LIPC: variants seen among roughly 807,000 people sequenced by gnomAD.
The protein encoded by LIPC is lipase C, hepatic type.
Under a neutral mutation model 50.7 loss-of-function variants are expected in LIPC, and 44 were observed. That is an observed-to-expected ratio of 0.87 (90% confidence interval 0.68 to 1.11). The LOEUF (loss-of-function observed/expected upper bound fraction) is 1.11. LIPC is among the 50% of genes most tolerant of loss of function. The pLI is 0.00. For synonymous variants in LIPC, 271 were observed against 256.4 expected (o/e 1.06, Z -0.54); for missense variants, 697 against 648.2 (o/e 1.08, Z -0.82).
intron 1 of LIPC, chr15:58,454,959 C>T (rs1894054362): frequency 1.3e-5 from 2 of 152,202 alleles, no homozygotes; most frequent in East Asian, 3.8e-4. Flanking sequence ...AATAAATACT[C>T]AAAACTCCTC....
chr15:58,560,513 A>G (rs1426253876), intron 6 of LIPC, among the ~76,000 whole-genome samples: 2 of 152,246 alleles, frequency 1.3e-5, no homozygotes, highest in Non-Finnish European at 2.9e-5. Context: ...TCTTTGATTT[A>G]CGAAAGGAGA....
intron 8 of LIPC, among the ~76,000 whole-genome samples, chr15:58,567,370 T>TAC (rs1894427570): frequency 7.8e-6 from 1 of 127,506 alleles, no homozygotes. Flanking sequence ...TATATGTATA[T>TAC]ATATATATAG....
chr15:58,517,748 G>C (rs1214957893), intron 1 of LIPC, among the ~76,000 whole-genome samples: 2 of 152,192 alleles, frequency 1.3e-5, no homozygotes, highest in African/African-American at 4.8e-5. Flanking sequence ...TTGATTTGCT[G>C]TCACAGTCAA....
intron 4 of LIPC, among the ~76,000 whole-genome samples, chr15:58,543,382 TCTC>T (rs1249776985): frequency 3.3e-5 from 5 of 151,646 alleles, no homozygotes; most frequent in African/African-American, 1.2e-4. Context: ...TGCCCCAGCC[TCTC>T]CTCCTGCTGA....
intron 1 of LIPC, among the ~76,000 whole-genome samples, chr15:58,474,502 C>A (rs950636868): frequency 4.6e-4 from 58 of 125,358 alleles, no homozygotes; most frequent in Admixed American, 3.9e-3. Flanking sequence ...CAGAGCTAGA[C>A]CCTGTCTCAG....
At position 58,535,265 on chromosome 15, in the gene LIPC, G is replaced by C. The variant is rs560331040; in HGVS notation, c.89-3068G>C. On this transcript the variant is annotated intron_variant, in intron 1 of 8. Transcript: ENST00000299022. ...TGGGGACTCCTGAAAGGAGCCACATGCTGTCTTTGCCTCCAACTAGTACCT... is the reference window on the plus strand; with the variant it reads ...TGGGGACTCCTGAAAGGAGCCACATCCTGTCTTTGCCTCCAACTAGTACCT... Among the ~76,000 whole-genome samples, 9 of 152,332 alleles carry C rather than the reference G, an allele frequency of 5.9e-5. No homozygotes were observed. The East Asian group carries it at 1.7e-3, about 29-fold the overall frequency.
intron 1 of LIPC, among the ~76,000 whole-genome samples, chr15:58,437,165 T>G (rs1893327259): frequency 1.3e-5 from 2 of 152,164 alleles, no homozygotes; most frequent in African/African-American, 4.8e-5. Context: ...ACTCACAGTT[T>G]AACACCAGGG....
At chr15:58,493,257 G>A (rs993441732) in intron 1 of LIPC, among the ~76,000 whole-genome samples, 12 of 152,114 alleles carry the variant, frequency 7.9e-5, no homozygotes, top group East Asian at 5.8e-4. Context: ...ACCTCCTCCC[G>A]CCAGCACTCC....
intron 1 of LIPC, among the ~76,000 whole-genome samples, chr15:58,457,692 A>C (rs1894184213): frequency 6.6e-6 from 1 of 152,196 alleles, no homozygotes; most frequent in Admixed American, 6.5e-5. Context: ...TATTCTCCCT[A>C]AACCAGCCAA....
chr15:58,469,225 C>T (rs1200309724), intron 1 of LIPC, among the ~76,000 whole-genome samples: 1 of 151,552 alleles, frequency 6.6e-6, no homozygotes, highest in Admixed American at 6.6e-5. Context: ...ACATTGAACT[C>T]CTGGCCCAAG....
intron 1 of LIPC, chr15:58,521,403 C>T: frequency 6.6e-6 from 1 of 152,498 alleles, no homozygotes; most frequent in Non-Finnish European, 1.5e-5. Flanking sequence ...CAGAGAAGGG[C>T]CCCACCCCGA....
intron 1 of LIPC, among the ~76,000 whole-genome samples, chr15:58,481,600 C>T (rs1225142596): frequency 6.6e-6 from 1 of 152,178 alleles, no homozygotes; most frequent in African/African-American, 2.4e-5. Flanking sequence ...GTCAGGAGTT[C>T]AAGACCAGCT....
intron 1 of LIPC, chr15:58,494,996 G>T (rs532881342): frequency 2.4e-6 from 1 of 408,460 alleles, no homozygotes; most frequent in East Asian, 7.1e-5. Flanking sequence ...CCGTTCCACC[G>T]GTCCTTCCCT....
At chr15:58,449,299 T>G (rs1893817885) in intron 1 of LIPC, among the ~76,000 whole-genome samples, 1 of 152,226 alleles carries the variant, frequency 6.6e-6, no homozygotes, top group Non-Finnish European at 1.5e-5. Flanking sequence ...GGGTTGTATT[T>G]GCAAGGATGC....
At chr15:58,524,061 A>G (rs1265571630) in intron 1 of LIPC, among the ~76,000 whole-genome samples, 5 of 151,794 alleles carry the variant, frequency 3.3e-5, no homozygotes, top group Non-Finnish European at 7.4e-5. Flanking sequence ...GTCCATATCC[A>G]TTCCCTCCTC....
chr15:58,449,720 A>C (rs1238100456), intron 1 of LIPC, among the ~76,000 whole-genome samples: 7 of 152,080 alleles, frequency 4.6e-5, no homozygotes, highest in African/African-American at 1.7e-4. Flanking sequence ...CTATATTTTT[A>C]ATAGAGACAG....
chr15:58,545,225 T>G (rs1414672286), intron 4 of LIPC, among the ~76,000 whole-genome samples: 1 of 151,908 alleles, frequency 6.6e-6, no homozygotes, highest in Non-Finnish European at 1.5e-5. Context: ...AAGCATTCCC[T>G]CATAACCTTA....
At chr15:58,443,682 C>T (rs142142324) in intron 1 of LIPC, among the ~76,000 whole-genome samples, 5 of 148,870 alleles carry the variant, frequency 3.4e-5, no homozygotes, top group East Asian at 4.0e-4. Context: ...CTCTGTCTCA[C>T]GCATGTGAAG....
At chr15:58,508,573 T>C (rs1401676931) in intron 1 of LIPC, among the ~76,000 whole-genome samples, 1 of 152,174 alleles carries the variant, frequency 6.6e-6, no homozygotes. Flanking sequence ...TTTATTAGTA[T>C]TGAACTGAAC....
Sources: allele counts gnomAD v4.1 joint callset (sites outside exome capture counted in the v4.1 genomes callset), GRCh38; gene constraint gnomAD v4.1.1; transcripts MANE v1.5; gene names NCBI Gene and HGNC (gene_info 2026-07-23, HGNC 2026-07-21).